Variants in CDC27 observed in about 807,000 individuals in gnomAD.
The protein encoded by CDC27 is cell division cycle protein 27 homolog.
Under a neutral mutation model 109.7 loss-of-function variants are expected in CDC27, and 27 were observed. That is an observed-to-expected ratio of 0.25 (90% confidence interval 0.18 to 0.34). CDC27 has a LOEUF of 0.34. Among genes scored for constraint, CDC27 ranks in the 10% least tolerant of loss-of-function variants. The pLI is 1.00. For missense variants in CDC27, 579 were observed against 960.2 expected (o/e 0.60, Z 5.25); for synonymous variants, 266 against 333.9 (o/e 0.80, Z 2.22).
intron 4 of CDC27, among the ~76,000 whole-genome samples, chr17:47,168,700 T>C (rs981073879): frequency 9.8e-5 from 15 of 152,344 alleles, no homozygotes; most frequent in Admixed American, 8.5e-4. Context: ...TGTCTTTGCT[T>C]ACTCATGTTC....
Position 47,118,291 on chromosome 17 carries a change from T to C in CDC27, c.*2644A>G, listed in dbSNP as rs1284245903. 1 of 152,374 alleles carries C rather than the reference T, an allele frequency of 6.6e-6. No homozygotes were observed. Among genetic ancestry groups the C allele is most frequent in the African/African-American group, 2.4e-5 (1 of 41,426 alleles). 9.4% of individuals were successfully genotyped at this position (152,374 alleles called of 1,614,324 possible). On this transcript the variant is annotated 3_prime_UTR_variant, in exon 19 of 19. Transcript: ENST00000066544. ...AACAGCAGCATGGTTCAAATGTTAC[T>C]TGTAGTTCTCGGAAAAATTAAAAAT...
chr17:47,150,940 G>A (rs191913185), intron 9 of CDC27, among the ~76,000 whole-genome samples: 2 of 152,264 alleles, frequency 1.3e-5, no homozygotes. Context: ...GCTGAGGCAG[G>A]AGAATCACTT....
intron 2 of CDC27, among the ~76,000 whole-genome samples, chr17:47,176,688 G>A (rs1011252979): frequency 3.9e-5 from 6 of 152,166 alleles, no homozygotes; most frequent in Non-Finnish European, 5.9e-5. Flanking sequence ...AATTTGGGAG[G>A]GGAAAAGGAA....
intron 11 of CDC27, 66 bp downstream of exon 11, chr17:47,142,163 A>T (rs2062813487): frequency 8.5e-7 from 1 of 1,172,128 alleles, no homozygotes; most frequent in Non-Finnish European, 1.2e-6. Context: ...TAATGAACAT[A>T]AAGAAATTTA....
intron 3 of CDC27, chr17:47,171,089 C>A (rs1190004715): frequency 1.3e-5 from 2 of 152,012 alleles, no homozygotes; most frequent in Non-Finnish European, 2.9e-5. Flanking sequence ...CACAGCAGGA[C>A]CCTTTCTCTA....
intron 12 of CDC27, among the ~76,000 whole-genome samples, chr17:47,141,269 GGAGA>G (rs2148863507): frequency 6.6e-6 from 1 of 152,180 alleles, no homozygotes; most frequent in Non-Finnish European, 1.5e-5. Context: ...AGTTGGGGGT[GGAGA>G]AAATGCTTTG....
chr17:47,156,234 G>A (rs1227753136), intron 7 of CDC27, among the ~76,000 whole-genome samples: 11 of 151,996 alleles, frequency 7.2e-5, no homozygotes, highest in African/African-American at 2.4e-4. Context: ...TGTCTCCCGG[G>A]TTCAAGTGAT....
At chr17:47,179,991 A>G (rs2064160760) in intron 2 of CDC27, among the ~76,000 whole-genome samples, 1 of 152,188 alleles carries the variant, frequency 6.6e-6, no homozygotes, top group Non-Finnish European at 1.5e-5. Flanking sequence ...GGCCGAGTAC[A>G]GTGGCTCACA....
intron 4 of CDC27, among the ~76,000 whole-genome samples, chr17:47,168,765 C>T (rs1241671210): frequency 2.0e-5 from 3 of 152,002 alleles, no homozygotes; most frequent in African/African-American, 7.2e-5. Context: ...AAACGGGCCC[C>T]CAAACTTAGT....
intron 2 of CDC27, among the ~76,000 whole-genome samples, chr17:47,178,925 C>A (rs925107222): frequency 3.3e-5 from 5 of 152,168 alleles, no homozygotes; most frequent in African/African-American, 1.2e-4. Context: ...GCCTCAGCCT[C>A]CTGGGTGGCT....
chr17:47,183,762 TC>T (rs1895007406), intron 1 of CDC27, among the ~76,000 whole-genome samples: 1 of 152,218 alleles, frequency 6.6e-6, no homozygotes, highest in Non-Finnish European at 1.5e-5. Flanking sequence ...ATTATTATAC[TC>T]CCAGTATCCA....
intron 18 of CDC27, among the ~76,000 whole-genome samples, chr17:47,121,624 T>G (rs2061984528): frequency 6.6e-6 from 1 of 152,130 alleles, no homozygotes; most frequent in Non-Finnish European, 1.5e-5. Context: ...AAAAATTTGT[T>G]TAGAGACAGG....
chr17:47,157,147 A>G, intron 6 of CDC27, 23 bp from the exon 7 acceptor site: 1 of 1,543,678 alleles, frequency 6.5e-7, no homozygotes. Flanking sequence ...ATTTCTACCA[A>G]GTCATTCACA....
At chr17:47,176,440 T>C (rs1261293698) in intron 2 of CDC27, among the ~76,000 whole-genome samples, 2 of 152,228 alleles carry the variant, frequency 1.3e-5, no homozygotes, top group Non-Finnish European at 1.5e-5. Flanking sequence ...CTGTTGTTAA[T>C]GATGGGGTTA....
chr17:47,156,874 G>C (rs774761256), intron 7 of CDC27, 39 bp downstream of exon 7: 1 of 652,102 alleles, frequency 1.5e-6, no homozygotes, highest in Non-Finnish European at 2.6e-6. Context: ...AAGATCATTT[G>C]GTATTATAGC....
intron 4 of CDC27, chr17:47,159,508 G>A (rs1023972225): frequency 3.2e-5 from 17 of 524,070 alleles, no homozygotes; most frequent in African/African-American, 2.4e-4. Flanking sequence ...GCACAGAGCC[G>A]CAGTGGCCTG....
intron 2 of CDC27, among the ~76,000 whole-genome samples, chr17:47,178,177 G>A (rs982968327): frequency 3.9e-5 from 6 of 152,002 alleles, no homozygotes; most frequent in Admixed American, 2.6e-4. Context: ...ATCAGCCTAC[G>A]TTAAAACAAC....
chr17:47,162,154 T>C (rs1444198193), intron 4 of CDC27: 1 of 152,236 alleles, frequency 6.6e-6, no homozygotes, highest in African/African-American at 2.4e-5. Flanking sequence ...TACTTAGAGA[T>C]AGCACTGACT....
In CDC27 at chr17:47,167,589, G is replaced by A. The variant is rs538880135; in HGVS notation, c.377+2328C>T. ...TAATGCTCAAATTTTATGACAGAAC[G>A]TTTAATGTGATAATAAAAACGAACT... is the stretch of plus-strand genomic sequence containing the variant. On this transcript the variant is annotated intron_variant, in intron 4 of 18. Coordinates refer to ENST00000066544, the MANE Select transcript of CDC27 (RefSeq NM_001256.6). Among the ~76,000 whole-genome samples the A allele has an allele frequency of 9.0e-4, 137 of 152,274 alleles. 1 individual carries two copies. The Middle Eastern group carries it at 0.031, about 34-fold the overall frequency.
Sources: gnomAD v4.1 joint callset for allele counts (sites outside exome capture counted in the v4.1 genomes callset) on GRCh38, gnomAD v4.1.1 for gene constraint, MANE v1.5 for transcripts, NCBI Gene and HGNC (gene_info 2026-07-23, HGNC 2026-07-21) for gene names.